Variants in C10orf90 observed in about 807,000 individuals in gnomAD.
C10orf90 encodes the protein chromosome 10 open reading frame 90.
A neutral mutation model predicts 62.5 loss-of-function variants in C10orf90; 56 were observed. That is an observed-to-expected ratio of 0.90 (90% CI 0.72 to 1.12). The LOEUF is 1.12. C10orf90 is among the 50% of genes most tolerant of loss of function. The pLI is 0.00. For missense variants in C10orf90, 970 were observed against 880.4 expected, an observed-to-expected ratio of 1.10 and a Z score of -1.29; for synonymous variants, 386 against 340.4, an observed-to-expected ratio of 1.13 and a Z score of -1.47.
At chr10:126,450,377 CCAA>C (rs1590923910) in intron 7 of C10orf90, among the ~76,000 whole-genome samples, 2 of 152,140 alleles carry the variant, frequency 1.3e-5, no homozygotes, top group East Asian at 3.9e-4. Flanking sequence ...GCAGACGACT[CCAA>C]ATAGCCCAAG....
chr10:126,629,758 A>G (rs1188912374), intron 2 of C10orf90, among the ~76,000 whole-genome samples: 1 of 152,178 alleles, frequency 6.6e-6, no homozygotes, highest in African/African-American at 2.4e-5. Context: ...ATCCCTTTCC[A>G]TTACTAAATC....
chr10:126,493,935 C>T (rs1344235425), intron 4 of C10orf90, among the ~76,000 whole-genome samples: 1 of 152,222 alleles, frequency 6.6e-6, no homozygotes, highest in Non-Finnish European at 1.5e-5. Flanking sequence ...AATGGACCAC[C>T]CCTCCCCAGC....
chr10:126,553,892 C>T (rs12254715), intron 2 of C10orf90, among the ~76,000 whole-genome samples: 2,706 of 152,242 alleles, frequency 0.018, 88 homozygotes, highest in African/African-American at 0.061. Context: ...AAAACCGCAA[C>T]GCCCATACAT....
intron 2 of C10orf90, among the ~76,000 whole-genome samples, chr10:126,538,086 A>G (rs1331164013): frequency 6.6e-6 from 1 of 152,222 alleles, no homozygotes; most frequent in Non-Finnish European, 1.5e-5. Flanking sequence ...AAGAGGTTTA[A>G]TGGACTCCCA....
intron 3 of C10orf90, 58 bp from the exon 4 acceptor site, chr10:126,505,143 ACT>A: frequency 2.6e-6 from 4 of 1,517,700 alleles, no homozygotes; most frequent in Non-Finnish European, 3.5e-6. Context: ...TAGACAGTAA[ACT>A]CTCTTTCAAG....
chr10:126,624,348 A>C (rs1845702730), intron 2 of C10orf90, among the ~76,000 whole-genome samples: 1 of 152,146 alleles, frequency 6.6e-6, no homozygotes, highest in South Asian at 2.1e-4. Context: ...TCCATCTAAA[A>C]AAAAAAGAGA....
chr10:126,598,400 T>A (rs1372911306), intron 2 of C10orf90, among the ~76,000 whole-genome samples: 1 of 150,684 alleles, frequency 6.6e-6, no homozygotes, highest in East Asian at 1.9e-4. Flanking sequence ...CTTGACATCT[T>A]TTTTTTTTAA....
intron 2 of C10orf90, among the ~76,000 whole-genome samples, chr10:126,603,403 C>A (rs1845240221): frequency 6.6e-6 from 1 of 152,084 alleles, no homozygotes; most frequent in South Asian, 2.1e-4. Flanking sequence ...GGTAACCGCC[C>A]CCATGATTCA....
At chr10:126,465,093 A>ACAG in intron 4 of C10orf90, 107 bp from the exon 5 acceptor site, 1 of 1,179,238 alleles carries the variant, frequency 8.5e-7, no homozygotes, top group Non-Finnish European at 1.2e-6. Context: ...GGGGGGGAGT[A>ACAG]CAGCACTGCA....
At chr10:126,442,507 A>ATATATATATATATC (rs1274198672) in intron 7 of C10orf90, among the ~76,000 whole-genome samples, 1 of 113,170 alleles carries the variant, frequency 8.8e-6, no homozygotes, top group African/African-American at 3.4e-5. Flanking sequence ...ATATATATAT[A>ATATATATATATATC]TCTGTTAAGT....
intron 2 of C10orf90, among the ~76,000 whole-genome samples, chr10:126,590,994 A>G (rs1844967318): frequency 1.3e-5 from 2 of 152,268 alleles, no homozygotes; most frequent in African/African-American, 2.4e-5. Flanking sequence ...ACTGAACCAG[A>G]AAAAGACTGA....
intron 4 of C10orf90, among the ~76,000 whole-genome samples, chr10:126,485,748 G>A (rs1456375562): frequency 6.6e-6 from 1 of 151,284 alleles, no homozygotes; most frequent in African/African-American, 2.4e-5. Context: ...AGGCCATCCT[G>A]TCTAACATGG....
chr10:126,583,141 G>T (rs1016971453), intron 2 of C10orf90, among the ~76,000 whole-genome samples: 2 of 152,082 alleles, frequency 1.3e-5, no homozygotes, highest in African/African-American at 4.8e-5. Flanking sequence ...ATGTGCCTGG[G>T]GGACAAAACC....
Position 126,485,903 on chromosome 10 carries a change from C to T in C10orf90, c.1534+18054G>A, listed in dbSNP as rs1861411255. Among the ~76,000 whole-genome samples, 4 of 151,086 alleles carry T rather than the reference C, an allele frequency of 2.6e-5. No individual in the cohort carries two copies. In the South Asian group the frequency reaches 8.3e-4, roughly 32 times the overall value. On this transcript the variant is annotated intron_variant, in intron 4 of 9. Coordinates refer to ENST00000488181, the MANE Select transcript of C10orf90 (RefSeq NM_001350921.2). ...CGGAGCTTGCAGTGAGGCGAGTTCG[C>T]GCCACTGCACTCCAGCCTGGGGGAC...
chr10:126,532,979 C>T (rs2133957856), intron 2 of C10orf90, among the ~76,000 whole-genome samples: 1 of 150,636 alleles, frequency 6.6e-6, no homozygotes, highest in East Asian at 2.0e-4. Flanking sequence ...GTCGCCCAGG[C>T]TGGAGTGCAG....
intron 7 of C10orf90, among the ~76,000 whole-genome samples, chr10:126,438,190 A>T (rs1363084131): frequency 1.3e-5 from 2 of 152,202 alleles, no homozygotes; most frequent in East Asian, 3.9e-4. Flanking sequence ...CCTGCACCCA[A>T]CCCTACTGCC....
At chr10:126,466,353 A>AAC (rs982302394) in intron 4 of C10orf90, among the ~76,000 whole-genome samples, 34 of 142,158 alleles carry the variant, frequency 2.4e-4, no homozygotes, top group Non-Finnish European at 3.7e-4. Context: ...CTCTACTAAA[A>AAC]ACACACACAC....
chr10:126,562,940 G>A (rs1299782518), intron 2 of C10orf90, among the ~76,000 whole-genome samples: 6 of 152,178 alleles, frequency 3.9e-5, no homozygotes, highest in East Asian at 3.9e-4. Flanking sequence ...CCCAGCCACC[G>A]GCAGTGGCAT....
intron 2 of C10orf90, among the ~76,000 whole-genome samples, chr10:126,635,943 A>G (rs1190037244): frequency 6.6e-6 from 1 of 152,200 alleles, no homozygotes; most frequent in Non-Finnish European, 1.5e-5. Flanking sequence ...CTCTCACAAT[A>G]TTATTCAGGA....
Sources: allele counts gnomAD v4.1 joint callset (sites outside exome capture counted in the v4.1 genomes callset), GRCh38; gene constraint gnomAD v4.1.1; transcripts MANE v1.5; gene names NCBI Gene and HGNC (gene_info 2026-07-23, HGNC 2026-07-21).